Variants in MED13 observed in about 807,000 individuals in gnomAD.
MED13 encodes the protein mediator complex subunit 13, also known as mediator of RNA polymerase II transcription subunit 13.
In MED13, 23 loss-of-function variants were observed where a neutral mutation model predicts 225.2. The observed-to-expected ratio is 0.10, with a 90% confidence interval of 0.07 to 0.14. The LOEUF is 0.14. Ranked by LOEUF, MED13 falls within the 10% of genes least tolerant of loss-of-function variation. The pLI, the probability that MED13 is intolerant of heterozygous loss-of-function variation, is 1.00. For missense variants in MED13, 2,197 were observed against 2,594.5 expected, an observed-to-expected ratio of 0.85 and a Z score of 3.33; for synonymous variants, 942 against 889.2, an observed-to-expected ratio of 1.06 and a Z score of -1.06.
chr17:62,054,724 G>A (rs1910622932), intron 2 of MED13, among the ~76,000 whole-genome samples: 1 of 152,148 alleles, frequency 6.6e-6, no homozygotes, highest in South Asian at 2.1e-4. Context: ...TGAGACTTAT[G>A]ACTACTAGAA....
At chr17:61,954,685 G>A (rs967321746) in intron 26 of MED13, among the ~76,000 whole-genome samples, 4 of 152,148 alleles carry the variant, frequency 2.6e-5, no homozygotes, top group African/African-American at 7.2e-5. Flanking sequence ...GCTGAGGCAC[G>A]AGCATCGCTT....
intron 11 of MED13, among the ~76,000 whole-genome samples, chr17:61,989,502 C>T (rs370465029): frequency 6.6e-6 from 1 of 152,072 alleles, no homozygotes; most frequent in East Asian, 1.9e-4. Flanking sequence ...CCACACCTGG[C>T]TAATTTTGTA....
chr17:62,012,250 A>C (rs910240437), intron 8 of MED13, among the ~76,000 whole-genome samples: 2 of 151,122 alleles, frequency 1.3e-5, no homozygotes, highest in African/African-American at 2.4e-5. Context: ...CAAAAAAAAG[A>C]TTTCTTTCAG....
rs776069700 is a variant in MED13, at chr17:62,048,043, C to CATATACATATATAT, written c.470+4493_470+4494insATATATATGTATAT. On this transcript the variant is annotated intron_variant, in intron 3 of 29. Transcript: ENST00000397786. ...ATATATACATATACATATACATATACATATATATATATATATATATGTATA... is the reference window on the plus strand; with the variant it reads ...ATATATACATATACATATACATATACATATACATATATATATATATATATATATATATATGTATA... 4.5e-3 allele frequency among the ~76,000 whole-genome samples: 585 copies of CATATACATATATAT among 130,844 alleles called. 1 individual carries two copies. Among genetic ancestry groups the CATATACATATATAT allele is most frequent in the East Asian group, 0.029 (113 of 3,944 alleles). The allele number at this position is 130,844 out of a possible 152,430, so 85.8% of individuals were successfully genotyped here.
At chr17:62,043,863 GT>G (rs566517296) in intron 3 of MED13, among the ~76,000 whole-genome samples, 2 of 151,118 alleles carry the variant, frequency 1.3e-5, no homozygotes, top group African/African-American at 2.4e-5. Flanking sequence ...TATACATTTA[GT>G]TTTTTTTTAG....
At chr17:62,035,256 G>C (rs1482939798) in intron 4 of MED13, among the ~76,000 whole-genome samples, 1 of 151,848 alleles carries the variant, frequency 6.6e-6, no homozygotes, top group African/African-American at 2.4e-5. Flanking sequence ...ACCATTCACG[G>C]TCAAGAATTT....
chr17:61,961,099 T>TA lies in MED13; in HGVS notation c.5257-10dup. The TA allele has an allele frequency of 6.3e-7, 1 of 1,589,004 alleles. No individual in the cohort carries two copies. The highest frequency in any genetic ancestry group is 8.6e-7 in the Non-Finnish European group (1 of 1,160,490). ...CGAATACACTCTGGTCTCTATAAAA[T>TA]AAAAAATTAAGGTATTATCATACTA... is the stretch of plus-strand genomic sequence containing the variant. On this transcript the variant is annotated splice_polypyrimidine_tract_variant and intron_variant, in intron 22 of 29. Transcript: ENST00000397786.
At chr17:62,024,209 T>C (rs892805782) in intron 8 of MED13, among the ~76,000 whole-genome samples, 2 of 152,014 alleles carry the variant, frequency 1.3e-5, no homozygotes, top group African/African-American at 4.8e-5. Context: ...ATAGAGATGG[T>C]ATTTCACCAT....
intron 15 of MED13, 139 bp downstream of exon 15, chr17:61,984,032 A>C (rs1286161392): frequency 1.7e-6 from 1 of 601,242 alleles, no homozygotes; most frequent in Non-Finnish European, 2.6e-6. Context: ...CCAGCCAATC[A>C]CTATAATTGA....
intron 8 of MED13, among the ~76,000 whole-genome samples, chr17:62,021,407 C>T (rs113148634): frequency 1.4e-5 from 2 of 147,776 alleles, no homozygotes; most frequent in African/African-American, 5.1e-5. Flanking sequence ...GGCGGCTGGC[C>T]GGGCAGGGGG....
At chr17:62,053,397 CTATA>C (rs1319214527) in intron 2 of MED13, among the ~76,000 whole-genome samples, 2 of 152,150 alleles carry the variant, frequency 1.3e-5, no homozygotes, top group Non-Finnish European at 2.9e-5. Flanking sequence ...TCTTCACTAA[CTATA>C]TAGCTTCAAT....
intron 8 of MED13, among the ~76,000 whole-genome samples, chr17:62,012,949 C>T (rs1340921272): frequency 6.6e-6 from 1 of 151,978 alleles, no homozygotes; most frequent in East Asian, 1.9e-4. Flanking sequence ...TGCACCACCA[C>T]ACCTAGCTAA....
At chr17:61,984,019 C>T (rs765884638) in intron 15 of MED13, 152 bp downstream of exon 15, 26 of 539,908 alleles carry the variant, frequency 4.8e-5, no homozygotes, top group Non-Finnish European at 7.6e-5. Flanking sequence ...TGATTCACTG[C>T]TCCCAGCCAA....
At chr17:61,960,019 G>A (rs529717218) in intron 23 of MED13, among the ~76,000 whole-genome samples, 2 of 152,062 alleles carry the variant, frequency 1.3e-5, no homozygotes, top group Non-Finnish European at 2.9e-5. Flanking sequence ...GAGCCACCAC[G>A]TCTGGCCAGA....
In MED13 at chr17:62,010,843, T is replaced by C; in HGVS notation, c.1674A>G (p.Gln558=). ...CTGGTGTTGGCATTTGATAAAAATG[T>C]TGACTCTGAGGAGTTGAAGGTGTTT... The part of the protein sequence containing the change: ...VTKTPSTPQS[Q]HFYQMPTPDP... The change falls in exon 9 of 30, where the codon CAA becomes CAG. Residue 558 remains glutamine (Q), a synonymous_variant. Coordinates refer to ENST00000397786, the MANE Select transcript of MED13 (RefSeq NM_005121.3). The C allele has an allele frequency of 6.2e-7, 1 of 1,614,252 alleles. No homozygotes were observed. Among genetic ancestry groups the C allele is most frequent in the Non-Finnish European group, 8.5e-7 (1 of 1,180,048 alleles).
chr17:61,992,946 T>C (rs531118576), intron 10 of MED13, among the ~76,000 whole-genome samples: 1 of 152,240 alleles, frequency 6.6e-6, no homozygotes, highest in Admixed American at 6.5e-5. Context: ...TTTGTATTTT[T>C]AGTAGAGATG....
chr17:61,962,664 A>G (rs933560338), intron 21 of MED13, 88 bp downstream of exon 21: 5 of 1,135,606 alleles, frequency 4.4e-6, no homozygotes, highest in Non-Finnish European at 6.5e-6. Flanking sequence ...TAGATAATCA[A>G]TTTGAATACA....
Position 61,962,921 on chromosome 17 carries a change from G to A in MED13, c.4895C>T (p.Ala1632Val). The A allele has an allele frequency of 6.2e-7, 1 of 1,614,056 alleles. No individual in the cohort carries two copies. Among genetic ancestry groups the A allele is most frequent in the Non-Finnish European group, 8.5e-7 (1 of 1,180,014 alleles). Residue 1632 changes from alanine (A) to valine (V), a missense_variant, in exon 21 of 30, where the codon GCA becomes GTA. By Grantham distance (64) the Ala-to-Val change is moderately conservative. Coordinates refer to ENST00000397786, the MANE Select transcript of MED13 (RefSeq NM_005121.3). ...VGIPTDGDSH[A>V]VTYPPAIVVY... is the part of the protein sequence containing the mutation. ...AACAATTGCAGGTGGATACGTGACT[G>A]CATGTGAATCACCATCTGTGGGGAT...
At chr17:62,007,788 C>T (rs1603401233) in intron 9 of MED13, among the ~76,000 whole-genome samples, 1 of 152,144 alleles carries the variant, frequency 6.6e-6, no homozygotes, top group East Asian at 2.0e-4. Context: ...GCGGAACTTG[C>T]AGTGAGCCAA....
Sources: allele counts gnomAD v4.1 joint callset (sites outside exome capture counted in the v4.1 genomes callset), GRCh38; gene constraint gnomAD v4.1.1; transcripts MANE v1.5; gene names NCBI Gene and HGNC (gene_info 2026-07-23, HGNC 2026-07-21).